ANXA4: variants seen among roughly 807,000 people sequenced by gnomAD.
ANXA4 encodes the protein annexin A4.
A neutral mutation model predicts 49.8 loss-of-function variants in ANXA4; 39 were observed. That is an observed-to-expected ratio of 0.78 (90% CI 0.61 to 1.02). The LOEUF (loss-of-function observed/expected upper bound fraction) is 1.02, where lower values mean the gene tolerates loss of function less well. Ranked by LOEUF, ANXA4 falls within the 50% of genes least tolerant of loss-of-function variation. ANXA4 has a pLI of 0.00. For missense variants in ANXA4, 360 were observed against 410.1 expected, an observed-to-expected ratio of 0.88 and a Z score of 1.05; for synonymous variants, 134 against 152.5, an observed-to-expected ratio of 0.88 and a Z score of 0.89.
At chr2:69,740,916 T>C (rs1408051625), upstream of ANXA4, among the ~76,000 whole-genome samples, 6 of 146,266 alleles carry the variant, frequency 4.1e-5, no homozygotes, top group Non-Finnish European at 9.0e-5. Context: ...TATCTCGAAC[T>C]CCTGGGCTAA....
chr2:69,703,819 C>A (rs1678406491), intron 2 of ANXA4, among the ~76,000 whole-genome samples: 1 of 151,810 alleles, frequency 6.6e-6, no homozygotes, highest in Non-Finnish European at 1.5e-5. Context: ...TTATTTTTTT[C>A]ACTTATTTAC....
intron 1 of ANXA4, among the ~76,000 whole-genome samples, chr2:69,774,316 A>C: frequency 7.6e-6 from 1 of 131,966 alleles, no homozygotes; most frequent in South Asian, 2.6e-4. Flanking sequence ...TGAGGTGTTT[A>C]TGTAAAAGGA....
At chr2:69,691,101 C>T (rs961001246) in intron 2 of ANXA4, among the ~76,000 whole-genome samples, 3 of 151,770 alleles carry the variant, frequency 2.0e-5, no homozygotes, top group Non-Finnish European at 4.4e-5. Context: ...CCACTTGTAC[C>T]TTTCTCTTTC....
chr2:69,681,607 C>T (rs1677604201), intron 2 of ANXA4, among the ~76,000 whole-genome samples: 1 of 152,154 alleles, frequency 6.6e-6, no homozygotes, highest in African/African-American at 2.4e-5. Flanking sequence ...GCTGGGATTA[C>T]AGGCATGAGC....
intron 1 of ANXA4, among the ~76,000 whole-genome samples, chr2:69,768,494 T>A (rs1671583459): frequency 6.6e-6 from 1 of 152,140 alleles, no homozygotes; most frequent in African/African-American, 2.4e-5. Context: ...AGGATTTTTT[T>A]AAATGGCAGG....
chr2:69,707,819 G>A (rs1284323385), intron 2 of ANXA4, among the ~76,000 whole-genome samples: 1 of 152,126 alleles, frequency 6.6e-6, no homozygotes, highest in Admixed American at 6.5e-5. Context: ...TCAAATACTA[G>A]GTCTTATTCG....
intron 3 of ANXA4, among the ~76,000 whole-genome samples, chr2:69,793,217 A>T (rs1430061109): frequency 6.9e-6 from 1 of 144,656 alleles, no homozygotes; most frequent in Non-Finnish European, 1.5e-5. Context: ...GCACTACTGC[A>T]CTCCAGTCTG....
chr2:69,725,315 T>G (rs1669934183), intron 3 of ANXA4, among the ~76,000 whole-genome samples: 2 of 150,506 alleles, frequency 1.3e-5, no homozygotes, highest in African/African-American at 4.9e-5. Context: ...TATTTAAATG[T>G]ATATAAATGA....
chr2:69,759,006 C>T (rs1412996410), intron 1 of ANXA4, among the ~76,000 whole-genome samples: 1 of 151,756 alleles, frequency 6.6e-6, no homozygotes, highest in African/African-American at 2.4e-5. Context: ...TATGGTGACG[C>T]ATGCCTGTAA....
intron 1 of ANXA4, among the ~76,000 whole-genome samples, chr2:69,771,408 G>A (rs1224275473): frequency 6.6e-6 from 1 of 152,194 alleles, no homozygotes; most frequent in Non-Finnish European, 1.5e-5. Context: ...CCTTAAACAT[G>A]CTAATATCTT....
At chr2:69,758,668 A>G (rs1002052170) in intron 1 of ANXA4, among the ~76,000 whole-genome samples, 1 of 152,180 alleles carries the variant, frequency 6.6e-6, no homozygotes, top group South Asian at 2.1e-4. Context: ...ATAAGGTTCA[A>G]TTTTACGCCT....
chr2:69,742,882 G>A (rs1259928072), intron 1 of ANXA4, among the ~76,000 whole-genome samples: 1 of 152,184 alleles, frequency 6.6e-6, no homozygotes, highest in African/African-American at 2.4e-5. Flanking sequence ...ATGGAACTGG[G>A]CATCTGCTCT....
intron 3 of ANXA4, among the ~76,000 whole-genome samples, chr2:69,734,101 G>A (rs1016244044): frequency 6.6e-6 from 1 of 152,136 alleles, no homozygotes; most frequent in Non-Finnish European, 1.5e-5. Flanking sequence ...AAGGATGGTG[G>A]AGGAAGCCAT....
chr2:69,727,121 A>G (rs1573154347), intron 3 of ANXA4, among the ~76,000 whole-genome samples: 1 of 151,940 alleles, frequency 6.6e-6, no homozygotes, highest in South Asian at 2.1e-4. Context: ...CAATCCTCCC[A>G]CCTTGGCCTC....
chr2:69,713,917 A>G (rs1678774316), intron 2 of ANXA4: 1 of 152,284 alleles, frequency 6.6e-6, no homozygotes, highest in African/African-American at 2.4e-5. Flanking sequence ...GAGGAACACA[A>G]AGGTCGGACT....
intron 1 of ANXA4, 170 bp from the exon 2 acceptor site, chr2:69,781,350 C>T: frequency 1.8e-5 from 11 of 604,514 alleles, no homozygotes; most frequent in Middle Eastern, 8.8e-4. Flanking sequence ...TTAACAGTTT[C>T]TCTAATTAGC....
chr2:69,704,604 C>T (rs1054715516), intron 2 of ANXA4, among the ~76,000 whole-genome samples: 6 of 152,176 alleles, frequency 3.9e-5, no homozygotes, highest in Non-Finnish European at 7.3e-5. Flanking sequence ...CATCATGCCG[C>T]GGGCTAACCT....
intron 3 of ANXA4, among the ~76,000 whole-genome samples, chr2:69,802,879 T>C (rs1008658899): frequency 6.6e-6 from 1 of 151,838 alleles, no homozygotes; most frequent in African/African-American, 2.4e-5. Context: ...TTGATTGTTA[T>C]ATGGATTGTC....
At chr2:69,662,093 C>CA (rs1309439433) in intron 2 of ANXA4, among the ~76,000 whole-genome samples, 1 of 152,204 alleles carries the variant, frequency 6.6e-6, no homozygotes, top group Non-Finnish European at 1.5e-5. Context: ...TCCCACCTGG[C>CA]ATCAAGAAAG....
Sources: allele counts gnomAD v4.1 joint callset (sites outside exome capture counted in the v4.1 genomes callset), GRCh38; gene constraint gnomAD v4.1.1; transcripts MANE v1.5; gene names NCBI Gene and HGNC (gene_info 2026-07-23, HGNC 2026-07-21).